The following SUGCT variants were observed in gnomAD, a reference collection of about 807,000 sequenced individuals.
The protein encoded by SUGCT is succinyl-CoA:glutarate CoA-transferase.
Under a neutral mutation model 55.0 loss-of-function variants are expected in SUGCT, and 41 were observed. The observed-to-expected ratio is 0.74, with a 90% confidence interval of 0.58 to 0.97. The LOEUF (loss-of-function observed/expected upper bound fraction) is 0.97, where lower values mean the gene tolerates loss of function less well. SUGCT is among the 50% of genes least tolerant of loss of function. The pLI, the probability that SUGCT is intolerant of heterozygous loss-of-function variation, is 0.00. For missense variants in SUGCT, 568 were observed against 547.8 expected (o/e 1.04, Z -0.37); for synonymous variants, 187 against 200.4 (o/e 0.93, Z 0.56).
At chr7:40,387,271 A>G (rs901595339) in intron 9 of SUGCT, among the ~76,000 whole-genome samples, 1 of 152,160 alleles carries the variant, frequency 6.6e-6, no homozygotes, top group African/African-American at 2.4e-5. Flanking sequence ...CCCTTCAAAA[A>G]TGAGTGATCT....
At chr7:40,422,970 A>T (rs778444863) in intron 9 of SUGCT, among the ~76,000 whole-genome samples, 1 of 152,182 alleles carries the variant, frequency 6.6e-6, no homozygotes. Flanking sequence ...TTTAAGTGCT[A>T]CTTGCTCATA....
chr7:40,925,672 G>T, the SUGCT span, among the ~76,000 whole-genome samples: 1 of 152,054 alleles, frequency 6.6e-6, no homozygotes, highest in Non-Finnish European at 1.5e-5. Flanking sequence ...AGCTGAACCG[G>T]ATACCAAGAT....
At chr7:40,780,487 C>G (rs547723722) in intron 13 of SUGCT, among the ~76,000 whole-genome samples, 214 of 152,256 alleles carry the variant, frequency 1.4e-3, no homozygotes, top group Non-Finnish European at 2.7e-3. Flanking sequence ...CTGCTGATCC[C>G]TCTGTCCTCT....
intron 12 of SUGCT, among the ~76,000 whole-genome samples, chr7:40,672,250 G>C (rs1484131486): frequency 1.3e-5 from 2 of 152,136 alleles, no homozygotes; most frequent in East Asian, 1.9e-4. Flanking sequence ...TAAGCAAAGA[G>C]ATCTTAAGAG....
intron 8 of SUGCT, among the ~76,000 whole-genome samples, chr7:40,306,645 T>C (rs773918541): frequency 6.6e-6 from 1 of 152,220 alleles, no homozygotes; most frequent in Non-Finnish European, 1.5e-5. Flanking sequence ...ATATCTGTTA[T>C]CTAAAATGTA....
chr7:40,747,294 G>C (rs1787782646), intron 12 of SUGCT, among the ~76,000 whole-genome samples: 1 of 152,252 alleles, frequency 6.6e-6, no homozygotes, highest in Non-Finnish European at 1.5e-5. Flanking sequence ...AGAATATTTA[G>C]CCATAGCAAA....
intron 8 of SUGCT, among the ~76,000 whole-genome samples, chr7:40,301,798 T>A (rs1033037670): frequency 3.3e-5 from 5 of 152,190 alleles, no homozygotes; most frequent in African/African-American, 9.6e-5. Context: ...AGGGAGAGTG[T>A]CTAAGTTCAT....
At chr7:40,444,380 G>C (rs1442106085) in intron 9 of SUGCT, among the ~76,000 whole-genome samples, 1 of 152,084 alleles carries the variant, frequency 6.6e-6, no homozygotes, top group Non-Finnish European at 1.5e-5. Flanking sequence ...CCATTTGTTT[G>C]TGTTCTCTTT....
At chr7:40,536,492 G>A (rs926777154) in intron 12 of SUGCT, among the ~76,000 whole-genome samples, 1 of 152,190 alleles carries the variant, frequency 6.6e-6, no homozygotes, top group Non-Finnish European at 1.5e-5. Flanking sequence ...AAGGTAATTT[G>A]CCCTAAGGGG....
At chr7:40,513,783 A>ATTTTTTTTT (rs869065628) in intron 12 of SUGCT, among the ~76,000 whole-genome samples, 4 of 103,990 alleles carry the variant, frequency 3.8e-5, no homozygotes, top group African/African-American at 1.1e-4. Flanking sequence ...TCAGGGAAGT[A>ATTTTTTTTT]TTTTTTTTTT....
intron 12 of SUGCT, among the ~76,000 whole-genome samples, chr7:40,578,377 TG>T (rs1431428311): frequency 1.3e-5 from 2 of 152,202 alleles, no homozygotes; most frequent in African/African-American, 4.8e-5. Flanking sequence ...TCACTCTTCT[TG>T]GCCCCACCTC....
chr7:40,536,976 A>G (rs1163236404), intron 12 of SUGCT, among the ~76,000 whole-genome samples: 1 of 152,242 alleles, frequency 6.6e-6, no homozygotes, highest in Non-Finnish European at 1.5e-5. Context: ...AATATTAGGC[A>G]GAGTGTTTCA....
chr7:40,135,583 T>C (rs949237123), intron 1 of SUGCT, among the ~76,000 whole-genome samples: 1 of 152,268 alleles, frequency 6.6e-6, no homozygotes, highest in Non-Finnish European at 1.5e-5. Flanking sequence ...TTTACTACAG[T>C]GTTATAGAAC....
chr7:41,034,555 A>G, the SUGCT span, among the ~76,000 whole-genome samples: 1 of 152,068 alleles, frequency 6.6e-6, no homozygotes, highest in African/African-American at 2.4e-5. Flanking sequence ...ACTAATTGGG[A>G]CTTCTTGTGC....
At chr7:40,420,491 A>T (rs1441926513) in intron 9 of SUGCT, among the ~76,000 whole-genome samples, 9 of 152,068 alleles carry the variant, frequency 5.9e-5, no homozygotes, top group African/African-American at 2.2e-4. Flanking sequence ...GGTGCCCGCC[A>T]CCATGCCCAG....
intron 9 of SUGCT, among the ~76,000 whole-genome samples, chr7:40,431,817 T>C (rs1398487866): frequency 6.6e-6 from 1 of 152,208 alleles, no homozygotes; most frequent in Admixed American, 6.5e-5. Context: ...AAATGTCTTT[T>C]TAATTTGTTA....
At chr7:40,941,913 A>G in the SUGCT span, among the ~76,000 whole-genome samples, 3 of 151,796 alleles carry the variant, frequency 2.0e-5, no homozygotes, top group Non-Finnish European at 2.9e-5. Context: ...TTCCATTTTC[A>G]TGTAACATAT....
the SUGCT span, among the ~76,000 whole-genome samples, chr7:40,870,500 G>A: frequency 6.6e-6 from 1 of 152,100 alleles, no homozygotes; most frequent in Non-Finnish European, 1.5e-5. Context: ...TCCATCTCAA[G>A]ATCTTTCATT....
chr7:40,902,978 A>C, the SUGCT span, among the ~76,000 whole-genome samples: 1 of 152,028 alleles, frequency 6.6e-6, no homozygotes, highest in Non-Finnish European at 1.5e-5. Context: ...TATTTCCCCA[A>C]GTTCAGATCT....
Sources: gnomAD v4.1 joint callset for allele counts (sites outside exome capture counted in the v4.1 genomes callset) on GRCh38, gnomAD v4.1.1 for gene constraint, MANE v1.5 for transcripts, NCBI Gene and HGNC (gene_info 2026-07-23, HGNC 2026-07-21) for gene names.